The following EYS variants were observed in gnomAD, a reference collection of about 807,000 sequenced individuals.
The protein encoded by EYS is protein eyes shut homolog.
Under a neutral mutation model 282.1 loss-of-function variants are expected in EYS, and 250 were observed. The ratio of observed to expected loss-of-function variants is 0.89; its 90% CI spans 0.80 to 0.98. The LOEUF (loss-of-function observed/expected upper bound fraction) is 0.98, where lower values mean the gene tolerates loss of function less well. EYS is among the 50% of genes least tolerant of loss of function. The pLI is 0.00. For synonymous variants in EYS, 1,355 were observed against 1,282.9 expected, an observed-to-expected ratio of 1.06 and a Z score of -1.20; for missense variants, 4,016 against 3,709.0, an observed-to-expected ratio of 1.08 and a Z score of -2.15.
At chr6:65,284,801 T>C (rs546956399) in intron 12 of EYS, among the ~76,000 whole-genome samples, 117 of 152,174 alleles carry the variant, frequency 7.7e-4, no homozygotes, top group African/African-American at 2.7e-3. Flanking sequence ...GAAGCGTATT[T>C]AAAAATACCT....
At chr6:64,853,586 A>T (rs564650728) in intron 19 of EYS, among the ~76,000 whole-genome samples, 51 of 152,300 alleles carry the variant, frequency 3.3e-4, no homozygotes, top group Non-Finnish European at 5.9e-4. Context: ...GAAAAATGCT[A>T]AGGGTTCAAA....
chr6:63,868,423 A>G (rs1772720072), intron 35 of EYS, among the ~76,000 whole-genome samples: 1 of 152,168 alleles, frequency 6.6e-6, no homozygotes, highest in Admixed American at 6.6e-5. Flanking sequence ...TAGAACTAAA[A>G]GGACTCCTGC....
intron 2 of EYS, among the ~76,000 whole-genome samples, chr6:65,556,241 C>A (rs1768795214): frequency 6.6e-6 from 1 of 152,164 alleles, no homozygotes; most frequent in Non-Finnish European, 1.5e-5. Flanking sequence ...AAGGCTGAGG[C>A]AGGAGGATTG....
chr6:65,329,229 G>T, intron 11 of EYS: 1 of 404,006 alleles, frequency 2.5e-6, no homozygotes, highest in Non-Finnish European at 3.3e-6. Flanking sequence ...AGAGATAATT[G>T]TGTATAGATG....
At chr6:64,123,960 C>A (rs1773677833) in intron 31 of EYS, among the ~76,000 whole-genome samples, 1 of 152,110 alleles carries the variant, frequency 6.6e-6, no homozygotes, top group Admixed American at 6.5e-5. Context: ...TCTAATTTTA[C>A]AACTATTAGA....
chr6:64,553,552 C>G (rs181238340), intron 26 of EYS, among the ~76,000 whole-genome samples: 1 of 131,114 alleles, frequency 7.6e-6, no homozygotes, highest in Non-Finnish European at 1.6e-5. Flanking sequence ...TTGACCCCCC[C>G]CCCCCCATAG....
At chr6:63,763,245 A>AG (rs1422652207) in intron 40 of EYS, among the ~76,000 whole-genome samples, 1 of 152,016 alleles carries the variant, frequency 6.6e-6, no homozygotes, top group Non-Finnish European at 1.5e-5. Context: ...GCAGAAGCTG[A>AG]GGGGTAATGG....
At chr6:65,342,456 T>A (rs1174037013) in intron 10 of EYS, among the ~76,000 whole-genome samples, 1 of 150,902 alleles carries the variant, frequency 6.6e-6, no homozygotes, top group East Asian at 2.0e-4. Flanking sequence ...GTTTACAATT[T>A]CTAAATATTT....
rs188838367 is a variant in EYS, at chr6:65,525,743, C to G, written c.-332-29750G>C. Among the ~76,000 whole-genome samples the G allele has an allele frequency of 1.7e-3, 257 of 152,302 alleles. 2 individuals are homozygous for G. The highest frequency in any genetic ancestry group is 4.4e-4 in the Non-Finnish European group (30 of 68,028). On this transcript the variant is annotated intron_variant, in intron 2 of 42. Transcript: ENST00000503581. ...TTAGATGAAATGGACAACAGTATAT[C>G]TTTACAGTCTTGCCTCATGGCAATG...
intron 1 of EYS, among the ~76,000 whole-genome samples, chr6:65,667,357 A>G: frequency 6.6e-6 from 1 of 151,828 alleles, no homozygotes; most frequent in South Asian, 2.1e-4. Flanking sequence ...TTAAATTCAT[A>G]CCATTCTCTT....
chr6:64,279,060 C>T (rs1460667262), intron 30 of EYS, among the ~76,000 whole-genome samples: 1 of 152,190 alleles, frequency 6.6e-6, no homozygotes, highest in Non-Finnish European at 1.5e-5. Flanking sequence ...CTGCCATCTT[C>T]CAACCCTTTT....
At chr6:64,802,138 A>G (rs1001687405) in intron 22 of EYS, among the ~76,000 whole-genome samples, 1 of 137,458 alleles carries the variant, frequency 7.3e-6, no homozygotes, top group African/African-American at 2.8e-5. Context: ...GGTTCACGCC[A>G]TTCTCCTGCC....
intron 12 of EYS, among the ~76,000 whole-genome samples, chr6:65,199,580 G>A (rs1354320664): frequency 6.6e-6 from 1 of 152,084 alleles, no homozygotes; most frequent in Non-Finnish European, 1.5e-5. Context: ...GCTATAGAGT[G>A]TCTATCATAG....
At chr6:65,271,165 A>G (rs990430352) in intron 12 of EYS, among the ~76,000 whole-genome samples, 1 of 26,040 alleles carries the variant, frequency 3.8e-5, no homozygotes, top group Admixed American at 5.7e-4. Flanking sequence ...AAGATTTATT[A>G]TAAGAAATTG....
chr6:65,127,904 C>T (rs975284553), intron 12 of EYS, among the ~76,000 whole-genome samples: 1 of 151,992 alleles, frequency 6.6e-6, no homozygotes, highest in Admixed American at 6.6e-5. Flanking sequence ...CTATAAATTG[C>T]TTGTACAATA....
chr6:63,999,102 T>G lies in EYS; in HGVS notation c.6807A>C (p.Lys2269Asn), dbSNP rs1767964399. The change falls in exon 34 of 43, where the codon AAA (lysine) becomes AAC (asparagine). Residue 2269 changes from lysine to asparagine, a missense_variant. Transcript: ENST00000503581. ...TADGKPPVQK[K>N]DTEISHASQA... ...GAGAGGCATGGGAAATCTCTGTGTC[T>G]TTCTTCTGTACTGGAGGTTTTCCAT... The G allele has an allele frequency of 6.4e-7, 1 of 1,551,544 alleles. No individual in the cohort carries two copies. The highest frequency in any genetic ancestry group is 8.7e-7 in the Non-Finnish European group (1 of 1,146,670).
intron 12 of EYS, among the ~76,000 whole-genome samples, chr6:65,104,746 GTTTA>G (rs1213731639): frequency 1.3e-5 from 2 of 151,318 alleles, no homozygotes; most frequent in South Asian, 2.1e-4. Flanking sequence ...AAAATTATGC[GTTTA>G]TTTATCAGCA....
At chr6:64,880,847 C>A (rs1766893232) in intron 19 of EYS, among the ~76,000 whole-genome samples, 1 of 149,602 alleles carries the variant, frequency 6.7e-6, no homozygotes. Context: ...TACACACACA[C>A]ATATATTTCT....
chr6:63,806,408 C>T (rs761885849), intron 36 of EYS, 36 bp from the exon 37 acceptor site: 1 of 1,480,504 alleles, frequency 6.8e-7, no homozygotes. Context: ...TTAAAATAAA[C>T]CTGTACATGT....
Sources: allele counts gnomAD v4.1 joint callset (sites outside exome capture counted in the v4.1 genomes callset), GRCh38; gene constraint gnomAD v4.1.1; transcripts MANE v1.5; gene names NCBI Gene and HGNC (gene_info 2026-07-23, HGNC 2026-07-21).